Variants in KXD1 observed in about 807,000 individuals in gnomAD.
The protein encoded by KXD1 is KxDL motif containing 1.
KXD1 carries 5 observed loss-of-function variants against 12.1 expected under a neutral mutation model. That is an observed-to-expected ratio of 0.41 (90% CI 0.22 to 0.87). KXD1 has a LOEUF of 0.87. KXD1 is among the 40% of genes least tolerant of loss of function. KXD1 has a pLI of 0.31. For missense variants in KXD1, 193 were observed against 244.9 expected (o/e 0.79, Z 1.41); for synonymous variants, 98 against 100.5 (o/e 0.98, Z 0.15).
chr19:18,568,661 CAG>C lies in KXD1; in HGVS notation c.*31_*32del, dbSNP rs1975381751. ...GCTGCCCGGTGCCTTGAGGGGGTCT[CAG>C]GGCAGCAGCATACAAGGTGGCAGCG... is the stretch of plus-strand genomic sequence containing the variant. On this transcript the variant is annotated 3_prime_UTR_variant, in exon 5 of 5. Coordinates refer to ENST00000222307, the MANE Select transcript of KXD1 (RefSeq NM_024069.4). 2 of 1,541,860 alleles carry C rather than the reference CAG, an allele frequency of 1.3e-6. No individual in the cohort carries two copies. Among genetic ancestry groups the C allele is most frequent in the Non-Finnish European group, 1.8e-6 (2 of 1,126,968 alleles).
chr19:18,562,622 C>A (rs147692833), intron 2 of KXD1, among the ~76,000 whole-genome samples: 84 of 152,280 alleles, frequency 5.5e-4, no homozygotes, highest in African/African-American at 2.0e-3. Flanking sequence ...CCACCATGCC[C>A]AGCTAATTTT....
intron 1 of KXD1, 188 bp from the exon 2 acceptor site, chr19:18,561,848 A>T: frequency 2.0e-6 from 1 of 490,476 alleles, no homozygotes; most frequent in South Asian, 2.7e-5. Flanking sequence ...AGTTTGCCCA[A>T]TACCTCCAAA....
chr19:18,561,278 C>T (rs1430502139), intron 1 of KXD1, among the ~76,000 whole-genome samples: 4 of 152,020 alleles, frequency 2.6e-5, no homozygotes, highest in Non-Finnish European at 5.9e-5. Flanking sequence ...GTAGCCTGGG[C>T]GCGGTGGCTC....
intron 2 of KXD1, among the ~76,000 whole-genome samples, chr19:18,564,490 G>A (rs549805986): frequency 1.2e-3 from 177 of 152,174 alleles, no homozygotes; most frequent in African/African-American, 4.1e-3. Context: ...GCATGGTGGC[G>A]GACGCCTGTA....
chr19:18,559,052 AT>A, intron 1 of KXD1: 1 of 117,248 alleles, frequency 8.5e-6, no homozygotes, highest in Non-Finnish European at 1.6e-5. Context: ...CAGTGGCTTG[AT>A]TTTGGCTCAT....
intron 1 of KXD1, chr19:18,561,640 G>T (rs1435406791): frequency 6.4e-6 from 1 of 156,110 alleles, no homozygotes. Context: ...TGGGAGAGGA[G>T]ACATTGGAGG....
At chr19:18,563,883 A>C (rs990817240) in intron 2 of KXD1, among the ~76,000 whole-genome samples, 1 of 148,884 alleles carries the variant, frequency 6.7e-6, no homozygotes, top group Non-Finnish European at 1.5e-5. Flanking sequence ...CAACCTCCTA[A>C]AGTGCTGGTC....
intron 2 of KXD1, among the ~76,000 whole-genome samples, chr19:18,563,209 G>A (rs751257189): frequency 6.6e-6 from 1 of 152,068 alleles, no homozygotes; most frequent in Non-Finnish European, 1.5e-5. Context: ...ACAGCCTCCC[G>A]CAGCTTTGTT....
rs759681931 is a variant in KXD1, at chr19:18,562,131, C to G, written c.75C>G (p.Asn25Lys). 1.9e-6 allele frequency: 3 copies of G among 1,611,780 alleles called. No individual in the cohort carries two copies. Among genetic ancestry groups the G allele is most frequent in the African/African-American group, 1.3e-5 (1 of 74,894 alleles). Residue 25 changes from asparagine (N) to lysine (K), a missense_variant, in exon 2 of 5, where the codon AAC (asparagine) becomes AAG (lysine). Physicochemically the swap from Asn to Lys is moderately conservative, Grantham distance 94. Coordinates refer to ENST00000222307, the MANE Select transcript of KXD1 (RefSeq NM_024069.4). The stretch of plus-strand genomic sequence containing the variant: ...GCATGGTGAACACAGATGATGTCAA[C>G]GCCATCATCCTGGCCCAGAAGAACA... ...ILSMVNTDDV[N>K]AIILAQKNML...
In KXD1 at chr19:18,568,591, G is replaced by C. The variant is rs553456347; in HGVS notation, c.491G>C (p.Gly164Ala). 1 of 1,612,886 alleles carries C rather than the reference G, an allele frequency of 6.2e-7. No homozygotes were observed. The highest frequency in any genetic ancestry group is 1.7e-5 in the Admixed American group (1 of 60,014). ...HVQPGSPAINGRSQTDDEEMT... is the reference protein window; with the variant it reads ...HVQPGSPAINARSQTDDEEMT... ...CAGCCTGGCTCCCCAGCCATCAACG[G>C]CCGCAGCCAGACAGATGACGAGGAG... Residue 164 changes from glycine to alanine, a missense_variant, in exon 5 of 5, where the codon GGC becomes GCC. Coordinates refer to ENST00000222307, the MANE Select transcript of KXD1 (RefSeq NM_024069.4).
At chr19:18,564,812 G>C in intron 2 of KXD1, 57 bp from the exon 3 acceptor site, 1 of 1,600,032 alleles carries the variant, frequency 6.2e-7, no homozygotes, top group South Asian at 1.1e-5. Context: ...TTCTGGGCCA[G>C]GTTGGGCAGG....
At chr19:18,559,924 T>C (rs1974855499) in intron 1 of KXD1, 1 of 151,776 alleles carries the variant, frequency 6.6e-6, no homozygotes, top group Admixed American at 6.6e-5. Flanking sequence ...CTCTCCTCTC[T>C]CTTTCTCTCT....
intron 2 of KXD1, among the ~76,000 whole-genome samples, chr19:18,563,684 A>G (rs1469216681): frequency 6.6e-6 from 1 of 151,596 alleles, no homozygotes; most frequent in Non-Finnish European, 1.5e-5. Flanking sequence ...TTGTATTTTT[A>G]GTAGAGACGG....
chr19:18,569,288 A>C lies in KXD1; in HGVS notation c.*657A>C, dbSNP rs1975405462. 1 of 152,654 alleles carries C rather than the reference A, an allele frequency of 6.6e-6. No individual in the cohort carries two copies. The highest frequency in any genetic ancestry group is 1.9e-4 in the East Asian group (1 of 5,190). The allele number at this position is 152,654 out of a possible 1,614,324, so 9.5% of individuals were successfully genotyped here. ...ATGGAGCAAACGGAGCCACCTCGGG[A>C]AAGAGTTTAATGGAATATTTTTGTA... On this transcript the variant is annotated 3_prime_UTR_variant, in exon 5 of 5. Coordinates refer to ENST00000222307, the MANE Select transcript of KXD1 (RefSeq NM_024069.4).
At position 18,559,896 on chromosome 19, in the gene KXD1, CTCTG is replaced by C. The variant is rs911731671; in HGVS notation, c.-22+1986_-22+1989del. 278 of 142,498 alleles carry C rather than the reference CTCTG, an allele frequency of 2.0e-3. 1 individual carries two copies. The highest frequency in any genetic ancestry group is 6.5e-3 in the African/African-American group (264 of 40,754). The allele number at this position is 142,498 out of a possible 1,614,324, so 8.8% of individuals were successfully genotyped here. ...TTCTCTTTCCTTTCTTTCTCTCTTT[CTCTG>C]TCTCTCTCTCTTTCTCTCCTCTCTC... On this transcript the variant is annotated intron_variant, in intron 1 of 4. Transcript: ENST00000222307.
chr19:18,567,935 C>A (rs745557209), intron 4 of KXD1, among the ~76,000 whole-genome samples: 2 of 152,174 alleles, frequency 1.3e-5, no homozygotes, highest in Non-Finnish European at 2.9e-5. Flanking sequence ...GAGGGCTCTT[C>A]CCTGCCTGGG....
rs534671897 is a variant in KXD1, at chr19:18,561,866, G to C, written c.-21-170G>C. Reference sequence around the variant, plus strand: ...TTGCCCAATACCTCCAAATTCCTGGGGTGGCACACCTGAGGTTCAGGTGGC... The same window carrying C: ...TTGCCCAATACCTCCAAATTCCTGGCGTGGCACACCTGAGGTTCAGGTGGC... On this transcript the variant is annotated intron_variant, in intron 1 of 4. Transcript: ENST00000222307. The C allele has an allele frequency of 3.0e-5, 15 of 503,804 alleles. No individual in the cohort carries two copies. In the South Asian group the frequency reaches 4.1e-4, roughly 14 times the overall value. 31.2% of individuals were successfully genotyped at this position (503,804 alleles called of 1,614,324 possible).
At chr19:18,563,014 C>T (rs1396795814) in intron 2 of KXD1, among the ~76,000 whole-genome samples, 1 of 152,342 alleles carries the variant, frequency 6.6e-6, no homozygotes, top group Admixed American at 6.5e-5. Flanking sequence ...AACACAAATT[C>T]GTAAACTTTC....
At position 18,567,319 on chromosome 19, in the gene KXD1, AG is replaced by A. The variant is rs1975297467; in HGVS notation, c.301+144del. On this transcript the variant is annotated intron_variant, in intron 4 of 4. Coordinates refer to ENST00000222307, the MANE Select transcript of KXD1 (RefSeq NM_024069.4). ...GTCTGGGGAAACCTGGGGTGGGGGC[AG>A]GGTCAGGGTGCTGGCCTGGTCCTGT... 17 of 824,166 alleles carry A rather than the reference AG, an allele frequency of 2.1e-5. No individual in the cohort carries two copies. The South Asian group carries it at 2.6e-4, about 13-fold the overall frequency. The allele number at this position is 824,166 out of a possible 1,614,324, so 51.1% of individuals were successfully genotyped here.
Sources: gnomAD v4.1 joint callset for allele counts (sites outside exome capture counted in the v4.1 genomes callset) on GRCh38, gnomAD v4.1.1 for gene constraint, MANE v1.5 for transcripts, NCBI Gene and HGNC (gene_info 2026-07-23, HGNC 2026-07-21) for gene names.